The following AKT3 variants were observed in gnomAD, a reference collection of about 807,000 sequenced individuals.
AKT3 encodes the protein RAC-gamma serine/threonine-protein kinase.
AKT3 carries 15 observed loss-of-function variants against 65.3 expected under a neutral mutation model. The observed-to-expected ratio is 0.23, with a 90% CI of 0.15 to 0.35. The LOEUF is 0.35. AKT3 is among the 10% of genes least tolerant of loss of function. The pLI is 1.00. For missense variants in AKT3, 243 were observed against 576.5 expected, an observed-to-expected ratio of 0.42 and a Z score of 5.92; for synonymous variants, 206 against 183.8, an observed-to-expected ratio of 1.12 and a Z score of -0.98.
intron 9 of AKT3, among the ~76,000 whole-genome samples, chr1:243,568,332 T>G (rs1196926337): frequency 6.6e-6 from 1 of 151,998 alleles, no homozygotes; most frequent in African/African-American, 2.4e-5. Context: ...AGTGATGAAG[T>G]CAAATATGAA....
chr1:243,672,859 C>T (rs1319034384), intron 3 of AKT3, among the ~76,000 whole-genome samples: 1 of 152,202 alleles, frequency 6.6e-6, no homozygotes, highest in African/African-American at 2.4e-5. Context: ...AACAAACATA[C>T]ACCTCAAGAG....
At chr1:243,799,332 A>G (rs574430841) in intron 2 of AKT3, among the ~76,000 whole-genome samples, 7 of 152,342 alleles carry the variant, frequency 4.6e-5, no homozygotes, top group South Asian at 4.1e-4. Flanking sequence ...GAATACATAT[A>G]TACTACCTAT....
Position 243,505,062 on chromosome 1 carries a change from A to C in AKT3, c.*187T>G, listed in dbSNP as rs892460681. 1 of 556,928 alleles carries C rather than the reference A, an allele frequency of 1.8e-6. No homozygotes were observed. The highest frequency in any genetic ancestry group is 1.9e-5 in the African/African-American group (1 of 52,998). The allele number at this position is 556,928 out of a possible 1,614,324, so 34.5% of individuals were successfully genotyped here. A position where few individuals can be genotyped will look rare whatever the true frequency, so the allele number is the denominator to read the frequency against. On this transcript the variant is annotated 3_prime_UTR_variant, in exon 14 of 14. Transcript: ENST00000673466. ...GATACAATTTCATGCAAAAACAAAA[A>C]CTGGAGTGTATTTGCGTGTATGTGT...
rs142504227 is a variant in AKT3 at position 243,732,090 on chromosome 1, A to G, written c.47-36374T>C. 3.1e-4 allele frequency among the ~76,000 whole-genome samples: 47 copies of G among 152,348 alleles called. No individual in the cohort carries two copies. In the East Asian group the frequency reaches 8.7e-3, roughly 28 times the overall value. ...AACACTACCCACTGAGAGGCTGAATATAAAATGGACAACAGTGAGATCATG... is the reference window on the plus strand; with the variant it reads ...AACACTACCCACTGAGAGGCTGAATGTAAAATGGACAACAGTGAGATCATG... On this transcript the variant is annotated intron_variant, in intron 2 of 13. Transcript: ENST00000673466.
chr1:243,511,009 T>C (rs1405821721), intron 13 of AKT3, among the ~76,000 whole-genome samples: 3 of 152,250 alleles, frequency 2.0e-5, no homozygotes, highest in Non-Finnish European at 4.4e-5. Flanking sequence ...GCTGAGCTAC[T>C]TGCCCATGAC....
chr1:243,506,826 C>A (rs888670779), intron 13 of AKT3, among the ~76,000 whole-genome samples: 3 of 152,292 alleles, frequency 2.0e-5, no homozygotes, highest in Admixed American at 1.3e-4. Context: ...ATCTCTACCT[C>A]CTTATAAAGT....
rs553598751 is a variant in AKT3 at position 243,809,920 on chromosome 1, C to T, written c.46+33205G>A. Among the ~76,000 whole-genome samples the T allele has an allele frequency of 4.3e-4, 66 of 152,320 alleles. No individual in the cohort carries two copies. The South Asian group carries it at 7.7e-3, about 18-fold the overall frequency. On this transcript the variant is annotated intron_variant, in intron 2 of 13. Coordinates refer to ENST00000673466, the MANE Select transcript of AKT3 (RefSeq NM_005465.7). ...AACTACATGGAAACTGAACAACCTG[C>T]TCCTGAATGACTACTGGGTACATAA...
At chr1:243,546,420 A>G (rs1451040233) in intron 11 of AKT3, among the ~76,000 whole-genome samples, 1 of 152,180 alleles carries the variant, frequency 6.6e-6, no homozygotes, top group African/African-American at 2.4e-5. Flanking sequence ...AAATAGGAAG[A>G]ACAGGAGGAA....
intron 2 of AKT3, among the ~76,000 whole-genome samples, chr1:243,826,434 TC>T (rs948071791): frequency 2.0e-5 from 3 of 152,190 alleles, no homozygotes; most frequent in Non-Finnish European, 4.4e-5. Flanking sequence ...AGCCAAATAT[TC>T]ACCTTCTAAC....
At chr1:243,800,527 G>A (rs1241359071) in intron 2 of AKT3, among the ~76,000 whole-genome samples, 2 of 152,124 alleles carry the variant, frequency 1.3e-5, no homozygotes, top group African/African-American at 2.4e-5. Flanking sequence ...AGACCATCCT[G>A]GCCAACATGG....
chr1:243,813,352 C>T (rs759000479), intron 2 of AKT3, among the ~76,000 whole-genome samples: 19 of 151,572 alleles, frequency 1.3e-4, no homozygotes, highest in Non-Finnish European at 2.5e-4. Context: ...GATATAAAAC[C>T]CTCAAAAAAA....
chr1:243,747,386 G>T lies in AKT3; in HGVS notation c.47-51670C>A, dbSNP rs554801111. ...TTTCAAGAGGAATTTCATTAACGGA[G>T]ATTTCTGCATCATATTTTCATGCTT... On this transcript the variant is annotated intron_variant, in intron 2 of 13. Transcript: ENST00000673466. Among the ~76,000 whole-genome samples the T allele has an allele frequency of 1.1e-4, 17 of 152,278 alleles. No individual in the cohort carries two copies. In the South Asian group the frequency reaches 2.5e-3, roughly 22 times the overall value.
At chr1:243,664,670 A>G in intron 4 of AKT3, 102 bp downstream of exon 4, 1 of 404,108 alleles carries the variant, frequency 2.5e-6, no homozygotes, top group Non-Finnish European at 4.0e-6. Flanking sequence ...AGCATTTAAA[A>G]AAATATATTT....
chr1:243,677,201 C>T (rs1246930359), intron 3 of AKT3, among the ~76,000 whole-genome samples: 3 of 152,102 alleles, frequency 2.0e-5, no homozygotes, highest in African/African-American at 7.2e-5. Flanking sequence ...ACACATACTC[C>T]CTTCCTTTTT....
In AKT3 at chr1:243,727,326, C is replaced by T. The variant is rs186291605; in HGVS notation, c.47-31610G>A. On this transcript the variant is annotated intron_variant, in intron 2 of 13. Transcript: ENST00000673466. ...ATTGATTGATTGAGACAGGGTCTTG[C>T]TCTGTTGCCCAGGCTGGAGTGCGAT... 2.3e-3 allele frequency among the ~76,000 whole-genome samples: 352 copies of T among 152,306 alleles called. 3 individuals carry two copies. The highest frequency in any genetic ancestry group is 7.7e-3 in the African/African-American group (319 of 41,570).
intron 4 of AKT3, among the ~76,000 whole-genome samples, chr1:243,656,029 T>C (rs1036739123): frequency 1.4e-5 from 2 of 146,606 alleles, no homozygotes; most frequent in Non-Finnish European, 1.5e-5. Context: ...GCTGGACTAC[T>C]GACCCAAATT....
chr1:243,808,248 T>C (rs756380497), intron 2 of AKT3: 8 of 151,952 alleles, frequency 5.3e-5, no homozygotes, highest in Admixed American at 4.6e-4. Context: ...AAGGAGGAAG[T>C]TGGAACCCAA....
intron 12 of AKT3, among the ~76,000 whole-genome samples, chr1:243,531,823 T>G (rs1671552179): frequency 6.6e-6 from 1 of 152,202 alleles, no homozygotes; most frequent in Non-Finnish European, 1.5e-5. Context: ...TGTATAAGTC[T>G]TGTGCTTCCT....
intron 13 of AKT3, among the ~76,000 whole-genome samples, chr1:243,490,912 C>G (rs1307480462): frequency 6.6e-6 from 1 of 152,252 alleles, no homozygotes; most frequent in Non-Finnish European, 1.5e-5. Context: ...TTAGGCCTGG[C>G]CAGCCAAAGA....
Sources: gnomAD v4.1 joint callset for allele counts (sites outside exome capture counted in the v4.1 genomes callset) on GRCh38, gnomAD v4.1.1 for gene constraint, MANE v1.5 for transcripts, NCBI Gene and HGNC (gene_info 2026-07-23, HGNC 2026-07-21) for gene names.